Variants in ZFP42 observed in about 807,000 individuals in gnomAD.
ZFP42 encodes the protein zinc finger protein 42 homolog.
For synonymous variants in ZFP42, 175 were observed against 144.6 expected (o/e 1.21, Z -1.51); for missense variants, 438 against 377.1 (o/e 1.16, Z -1.34).
Position 187,997,007 on chromosome 4 carries a change from G to GTGGAGCGTGGAGCATGGAGCA in ZFP42, c.-339+1192_-339+1212dup, listed in dbSNP as rs1245628148. 2.0e-3 allele frequency among the ~76,000 whole-genome samples: 36 copies of GTGGAGCGTGGAGCATGGAGCA among 18,036 alleles called. 2 individuals are homozygous for GTGGAGCGTGGAGCATGGAGCA. Among genetic ancestry groups the GTGGAGCGTGGAGCATGGAGCA allele is most frequent in the Non-Finnish European group, 1.7e-4 (2 of 11,568 alleles). The allele number at this position is 18,036 out of a possible 152,430, so 11.8% of individuals were successfully genotyped here. ...CTGTAGGGAGCATGGAGCATGGAGC[G>GTGGAGCGTGGAGCATGGAGCA]TGGAGCGTGGAGCATGGAGCATGGA... is the stretch of plus-strand genomic sequence containing the variant. On this transcript the variant is annotated intron_variant, in intron 1 of 3. Transcript: ENST00000326866.
chr4:187,998,541 G>A (rs571160439), intron 1 of ZFP42, among the ~76,000 whole-genome samples: 3 of 152,254 alleles, frequency 2.0e-5, no homozygotes, highest in Admixed American at 6.5e-5. Flanking sequence ...GCCACTACCA[G>A]TACTGTGAGC....
At position 188,001,850 on chromosome 4, in the gene ZFP42, G is replaced by A. The variant is rs576764829; in HGVS notation, c.-95-863G>A. Reference sequence around the variant, plus strand: ...AATCCGTGCTAAGCACTTTGCATGCGTTATTTAATTTGAATTTCATAACAG... The same window carrying A: ...AATCCGTGCTAAGCACTTTGCATGCATTATTTAATTTGAATTTCATAACAG... On this transcript the variant is annotated intron_variant, in intron 3 of 3. Coordinates refer to ENST00000326866, the MANE Select transcript of ZFP42 (RefSeq NM_174900.5). Among the ~76,000 whole-genome samples the A allele has an allele frequency of 3.3e-5, 5 of 152,328 alleles. No individual in the cohort carries two copies. The South Asian group carries it at 6.2e-4, about 19-fold the overall frequency.
At chr4:187,999,024 G>A (rs1310204366) in intron 1 of ZFP42, 84 bp from the exon 2 acceptor site, 2 of 152,200 alleles carry the variant, frequency 1.3e-5, no homozygotes, top group Non-Finnish European at 2.9e-5. Context: ...GCTTAGAAAG[G>A]TAAGGACCAT....
Position 188,002,920 on chromosome 4 carries a change from C to A in ZFP42, c.113C>A (p.Ala38Glu). Residue 38 changes from alanine to glutamate, a missense_variant, in exon 4 of 4, where the codon GCG becomes GAG. Ala to Glu is a moderately radical substitution (Grantham distance 107). Coordinates refer to ENST00000326866, the MANE Select transcript of ZFP42 (RefSeq NM_174900.5). Reference sequence around the variant, plus strand: ...GGCAAGTCAAGCCAAGACCTGCAGGCGGAAATAGAACCTGTCAGCGCGGTG... The same window carrying A: ...GGCAAGTCAAGCCAAGACCTGCAGGAGGAAATAGAACCTGTCAGCGCGGTG... ...RQGKSSQDLQ[A>E]EIEPVSAVWA... 1 of 1,614,120 alleles carries A rather than the reference C, an allele frequency of 6.2e-7. No individual in the cohort carries two copies. Among genetic ancestry groups the A allele is most frequent in the Non-Finnish European group, 8.5e-7 (1 of 1,180,024 alleles).
At chr4:188,001,580 C>CA in intron 3 of ZFP42, among the ~76,000 whole-genome samples, 1 of 152,300 alleles carries the variant, frequency 6.6e-6, no homozygotes, top group South Asian at 2.1e-4. Context: ...GGAACACAGC[C>CA]ACCCTCATTC....
chr4:187,997,028 A>G lies in ZFP42; in HGVS notation c.-339+1188A>G, dbSNP rs190091892. Among the ~76,000 whole-genome samples, 162 of 61,902 alleles carry G rather than the reference A, an allele frequency of 2.6e-3. No homozygotes were observed. In the East Asian group the frequency reaches 0.027, roughly 10 times the overall value. The allele number at this position is 61,902 out of a possible 152,430, so 40.6% of individuals were successfully genotyped here. A position where few individuals can be genotyped will look rare whatever the true frequency, so the allele number is the denominator to read the frequency against. ...GAGCGTGGAGCGTGGAGCATGGAGC[A>G]TGGAGCGTGGAGCATGGAGCATGGC... On this transcript the variant is annotated intron_variant, in intron 1 of 3. Coordinates refer to ENST00000326866, the MANE Select transcript of ZFP42 (RefSeq NM_174900.5).
chr4:188,003,027 G>A lies in ZFP42; in HGVS notation c.220G>A (p.Glu74Lys). 1 of 1,614,174 alleles carries A rather than the reference G, an allele frequency of 6.2e-7. No individual in the cohort carries two copies. The highest frequency in any genetic ancestry group is 8.5e-7 in the Non-Finnish European group (1 of 1,180,024). Residue 74 changes from glutamate to lysine, a missense_variant, in exon 4 of 4, where the codon GAA (glutamate) becomes AAA (lysine). Physicochemically the swap from Glu to Lys is moderately conservative, Grantham distance 56. Transcript: ENST00000326866. Reference protein sequence around the residue: ...GGDDFSDCYIECVIRGEFSQP... With the variant: ...GGDDFSDCYIKCVIRGEFSQP... ...GGATGATTTCTCAGACTGTTACATA[G>A]AATGCGTCATAAGGGGTGAGTTTTC... is the stretch of plus-strand genomic sequence containing the variant.
intron 1 of ZFP42, among the ~76,000 whole-genome samples, chr4:187,997,646 T>G (rs1733654815): frequency 6.6e-6 from 1 of 152,146 alleles, no homozygotes; most frequent in African/African-American, 2.4e-5. Flanking sequence ...TTGCATCTTT[T>G]TCCCTAAGTT....
At chr4:188,002,691 A>G (rs1733875898) in intron 3 of ZFP42, 22 bp from the exon 4 acceptor site, 5 of 829,800 alleles carry the variant, frequency 6.0e-6, no homozygotes, top group Middle Eastern at 2.8e-4. Flanking sequence ...TATTTTAACT[A>G]AAGGTTATTA....
chr4:188,002,254 C>T (rs577093985), intron 3 of ZFP42, among the ~76,000 whole-genome samples: 8 of 152,340 alleles, frequency 5.3e-5, no homozygotes, highest in African/African-American at 1.9e-4. Context: ...TGCCACTTAC[C>T]ACCCTAGTGA....
At position 188,002,715 on chromosome 4, in the gene ZFP42, G is replaced by A. The variant is rs533719501; in HGVS notation, c.-93G>A. 3.9e-5 allele frequency: 40 copies of A among 1,021,010 alleles called. No individual in the cohort carries two copies. In the African/African-American group the frequency reaches 5.0e-4, roughly 13 times the overall value. 63.2% of individuals were successfully genotyped at this position (1,021,010 alleles called of 1,614,324 possible). ...TAAAGGTTATTATCATAAAGCAGGT[G>A]TTTGCTGAAGACAGCTTACTCAGAT... On this transcript the variant is annotated splice_region_variant and 5_prime_UTR_variant, in exon 4 of 4. Transcript: ENST00000326866.
intron 3 of ZFP42, among the ~76,000 whole-genome samples, chr4:188,002,424 C>T (rs1005387513): frequency 1.3e-5 from 2 of 152,162 alleles, no homozygotes; most frequent in Non-Finnish European, 2.9e-5. Context: ...TGTTTGTATG[C>T]CTGTTTACTG....
rs553524084 is a variant in ZFP42, at chr4:187,996,683, G to A, written c.-339+843G>A. Among the ~76,000 whole-genome samples, 13 of 152,172 alleles carry A rather than the reference G, an allele frequency of 8.5e-5. No homozygotes were observed. The South Asian group carries it at 2.7e-3, about 32-fold the overall frequency. Reference sequence around the variant, plus strand: ...CGGCGAGCTGCAGGGCGAGGGGGTGGTTCTTTCTCCTGTTTTCCCGCTCTC... The same window carrying A: ...CGGCGAGCTGCAGGGCGAGGGGGTGATTCTTTCTCCTGTTTTCCCGCTCTC... On this transcript the variant is annotated intron_variant, in intron 1 of 3. Transcript: ENST00000326866.
chr4:188,003,611 C>T lies in ZFP42; in HGVS notation c.804C>T (p.Ile268=). ...LDFNLRTHVR[I]HTGEKRFVCP... ...TTAATTTGCGTACGCACGTGCGCAT[C>T]CACACGGGGGAGAAACGTTTCGTGT... The change falls in exon 4 of 4, where the codon ATC becomes ATT. Residue 268 remains isoleucine (I), a synonymous_variant. Transcript: ENST00000326866. The T allele has an allele frequency of 6.2e-7, 1 of 1,613,472 alleles. No homozygotes were observed. Among genetic ancestry groups the T allele is most frequent in the Non-Finnish European group, 8.5e-7 (1 of 1,180,034 alleles).
In ZFP42 at chr4:187,999,664, A is replaced by G. The variant is rs565942611; in HGVS notation, c.-117A>G. The G allele has an allele frequency of 5.9e-5, 9 of 152,416 alleles. No individual in the cohort carries two copies. Among genetic ancestry groups the G allele is most frequent in the African/African-American group, 1.9e-4 (8 of 41,588 alleles). The allele number at this position is 152,416 out of a possible 1,614,324, so 9.4% of individuals were successfully genotyped here. On this transcript the variant is annotated 5_prime_UTR_variant, in exon 3 of 4. Coordinates refer to ENST00000326866, the MANE Select transcript of ZFP42 (RefSeq NM_174900.5). ...ACAGAACAGAAGAGGCCTTCACTCT[A>G]GTAGTGCTCACAGTCCAGCAGGTAA...
At chr4:188,002,184 A>G (rs999546616) in intron 3 of ZFP42, among the ~76,000 whole-genome samples, 19 of 152,280 alleles carry the variant, frequency 1.2e-4, no homozygotes, top group African/African-American at 3.8e-4. Context: ...CTCCAAAAAA[A>G]AAGAAGAAAA....
At chr4:187,998,971 G>A (rs1733710545) in intron 1 of ZFP42, 137 bp from the exon 2 acceptor site, 1 of 152,208 alleles carries the variant, frequency 6.6e-6, no homozygotes, top group South Asian at 2.1e-4. Context: ...ATACTGCTAT[G>A]AGAAATAGCA....
chr4:188,002,942 G>A lies in ZFP42; in HGVS notation c.135G>A (p.Ala45=), dbSNP rs746526608. Residue 45 remains alanine (A), a synonymous_variant, in exon 4 of 4, where the codon GCG becomes GCA. Coordinates refer to ENST00000326866, the MANE Select transcript of ZFP42 (RefSeq NM_174900.5). ...DLQAEIEPVS[A]VWALCDGYVC... ...AGGCGGAAATAGAACCTGTCAGCGCGGTGTGGGCCTTATGTGATGGCTATG... is the reference window on the plus strand; with the variant it reads ...AGGCGGAAATAGAACCTGTCAGCGCAGTGTGGGCCTTATGTGATGGCTATG... The A allele has an allele frequency of 6.2e-7, 1 of 1,614,178 alleles. No homozygotes were observed. Among genetic ancestry groups the A allele is most frequent in the Non-Finnish European group, 8.5e-7 (1 of 1,180,030 alleles).
Position 188,003,214 on chromosome 4 carries a change from T to G in ZFP42, c.407T>G (p.Val136Gly), listed in dbSNP as rs527799386. Reference protein sequence around the residue: ...GVKKELPQKIVGENSLEYSEY... With the variant: ...GVKKELPQKIGGENSLEYSEY... ...AAGAAAGAGCTTCCACAAAAGATAG[T>G]TGGAGAGAATTCGCTTGAGTATTCT... The change falls in exon 4 of 4, where the codon GTT (valine) becomes GGT (glycine). Residue 136 changes from valine to glycine, a missense_variant. Coordinates refer to ENST00000326866, the MANE Select transcript of ZFP42 (RefSeq NM_174900.5). 1.9e-6 allele frequency: 3 copies of G among 1,613,876 alleles called. No homozygotes were observed. Among genetic ancestry groups the G allele is most frequent in the African/African-American group, 2.7e-5 (2 of 74,946 alleles).
Sources: allele counts gnomAD v4.1 joint callset (sites outside exome capture counted in the v4.1 genomes callset), GRCh38; gene constraint gnomAD v4.1.1; transcripts MANE v1.5; gene names NCBI Gene and HGNC (gene_info 2026-07-23, HGNC 2026-07-21).